Variants in ZNF776 observed in about 807,000 individuals in gnomAD.
ZNF776 encodes the protein zinc finger protein 776.
Under a neutral mutation model 7.0 loss-of-function variants are expected in ZNF776, and 4 were observed. The ratio of observed to expected loss-of-function variants is 0.57; its 90% CI spans 0.28 to 1.31. The LOEUF (loss-of-function observed/expected upper bound fraction) is 1.31, where lower values mean the gene tolerates loss of function less well. Ranked by LOEUF, ZNF776 falls within the 50% of genes most tolerant of loss-of-function variation. The pLI is 0.10. For missense variants in ZNF776, 555 were observed against 625.9 expected (o/e 0.89, Z 1.21); for synonymous variants, 212 against 213.7 (o/e 0.99, Z 0.07).
rs1012703283 is a variant in ZNF776, at chr19:57,757,643, G to A, written c.*2956G>A. ...TCTTTCAAATTAAATTTTTAAAGCTGTAATAAGACTGGGCATGGTGACTCA... is the reference window on the plus strand; with the variant it reads ...TCTTTCAAATTAAATTTTTAAAGCTATAATAAGACTGGGCATGGTGACTCA... On this transcript the variant is annotated 3_prime_UTR_variant, in exon 3 of 3. Coordinates refer to ENST00000317178, the MANE Select transcript of ZNF776 (RefSeq NM_173632.4). The A allele has an allele frequency of 6.6e-6, 1 of 152,200 alleles. No individual in the cohort carries two copies. Among genetic ancestry groups the A allele is most frequent in the Non-Finnish European group, 1.5e-5 (1 of 68,038 alleles). The allele number at this position is 152,200 out of a possible 1,614,324, so 9.4% of individuals were successfully genotyped here. A position where few individuals can be genotyped will look rare whatever the true frequency, so the allele number is the denominator to read the frequency against.
rs1404801160 is a variant in ZNF776, at chr19:57,755,548, A to G, written c.*861A>G. On this transcript the variant is annotated 3_prime_UTR_variant, in exon 3 of 3. Transcript: ENST00000317178. Reference sequence around the variant, plus strand: ...GAGGGCTTCACTCTTCTTTCACTGGATACCAGAATGTTGACAGGAGAAAAA... The same window carrying G: ...GAGGGCTTCACTCTTCTTTCACTGGGTACCAGAATGTTGACAGGAGAAAAA... 5 of 152,202 alleles carry G rather than the reference A, an allele frequency of 3.3e-5. No homozygotes were observed. The highest frequency in any genetic ancestry group is 2.6e-4 in the Admixed American group (4 of 15,278). The allele number at this position is 152,202 out of a possible 1,614,324, so 9.4% of individuals were successfully genotyped here.
chr19:57,746,860 C>T lies in ZNF776; in HGVS notation c.-199C>T. 1 of 467,718 alleles carries T rather than the reference C, an allele frequency of 2.1e-6. No individual in the cohort carries two copies. Among genetic ancestry groups the T allele is most frequent in the South Asian group, 4.5e-5 (1 of 22,114 alleles). The allele number at this position is 467,718 out of a possible 1,614,324, so 29.0% of individuals were successfully genotyped here. On this transcript the variant is annotated 5_prime_UTR_variant, in exon 1 of 3. Transcript: ENST00000317178. Reference sequence around the variant, plus strand: ...TTGGGTGTATTTTCCAGTGAGAGACCGCGGAGTGTTGGGTCGTGTAGAAGT... The same window carrying T: ...TTGGGTGTATTTTCCAGTGAGAGACTGCGGAGTGTTGGGTCGTGTAGAAGT...
Position 57,755,358 on chromosome 19 carries a change from G to GA in ZNF776, c.*675dup, listed in dbSNP as rs1986747558. On this transcript the variant is annotated 3_prime_UTR_variant, in exon 3 of 3. Coordinates refer to ENST00000317178, the MANE Select transcript of ZNF776 (RefSeq NM_173632.4). ...AGCCCTTCTCAGTGAAGTAAATTTG[G>GA]AAAATTGATTAGTCAAACCTCTATG... 1 of 152,292 alleles carries GA rather than the reference G, an allele frequency of 6.6e-6. No homozygotes were observed. Among genetic ancestry groups the GA allele is most frequent in the Admixed American group, 6.5e-5 (1 of 15,286 alleles). 9.4% of individuals were successfully genotyped at this position (152,292 alleles called of 1,614,324 possible).
Position 57,746,857 on chromosome 19 carries a change from G to T in ZNF776, c.-202G>T. The T allele has an allele frequency of 2.1e-6, 1 of 465,310 alleles. No individual in the cohort carries two copies. The highest frequency in any genetic ancestry group is 4.6e-5 in the South Asian group (1 of 21,912). 28.8% of individuals were successfully genotyped at this position (465,310 alleles called of 1,614,324 possible). ...GTGTTGGGTGTATTTTCCAGTGAGA[G>T]ACCGCGGAGTGTTGGGTCGTGTAGA... On this transcript the variant is annotated 5_prime_UTR_variant, in exon 1 of 3. Coordinates refer to ENST00000317178, the MANE Select transcript of ZNF776 (RefSeq NM_173632.4).
chr19:57,751,180 G>A (rs1345946892), intron 2 of ZNF776, among the ~76,000 whole-genome samples: 1 of 152,138 alleles, frequency 6.6e-6, no homozygotes, highest in Admixed American at 6.5e-5. Context: ...CTTGCCCTCT[G>A]GCTGTTGAGT....
At chr19:57,751,061 G>A in intron 2 of ZNF776, 150 bp downstream of exon 2, 1 of 873,980 alleles carries the variant, frequency 1.1e-6, no homozygotes, top group Non-Finnish European at 1.6e-6. Context: ...TGGTATGTAG[G>A]ACTGAGGTGT....
At chr19:57,751,641 C>T (rs900514583) in intron 2 of ZNF776, among the ~76,000 whole-genome samples, 30 of 151,834 alleles carry the variant, frequency 2.0e-4, no homozygotes, top group African/African-American at 7.2e-4. Flanking sequence ...GCTGGGATTA[C>T]AAGCATGAGC....
rs1038848086 is a variant in ZNF776 at position 57,754,927 on chromosome 19, A to G, written c.*240A>G. The G allele has an allele frequency of 3.7e-6, 2 of 536,822 alleles. No homozygotes were observed. The highest frequency in any genetic ancestry group is 3.8e-5 in the African/African-American group (2 of 52,748). 33.3% of individuals were successfully genotyped at this position (536,822 alleles called of 1,614,324 possible). A position where few individuals can be genotyped will look rare whatever the true frequency, so the allele number is the denominator to read the frequency against. On this transcript the variant is annotated 3_prime_UTR_variant, in exon 3 of 3. Transcript: ENST00000317178. ...AAGGGTCACACTGGAGAAAGACCCT[A>G]TAGTTATGGGGAATTTGGGAAATTA...
intron 2 of ZNF776, 79 bp from the exon 3 acceptor site, chr19:57,753,212 C>T: frequency 7.5e-7 from 1 of 1,330,520 alleles, no homozygotes; most frequent in East Asian, 2.3e-5. Flanking sequence ...TACAACAAAG[C>T]AGCTGTTGAT....
In ZNF776 at chr19:57,754,742, C is replaced by G; in HGVS notation, c.*55C>G. On this transcript the variant is annotated 3_prime_UTR_variant, in exon 3 of 3. Transcript: ENST00000317178. ...CACCCTCATTCAACATTCGTGAGATCACACTGGAAAGCACTTATGAGTATG... is the reference window on the plus strand; with the variant it reads ...CACCCTCATTCAACATTCGTGAGATGACACTGGAAAGCACTTATGAGTATG... 1.9e-6 allele frequency: 3 copies of G among 1,551,600 alleles called. No individual in the cohort carries two copies. Among genetic ancestry groups the G allele is most frequent in the Admixed American group, 3.6e-5 (2 of 56,296 alleles).
At position 57,757,033 on chromosome 19, in the gene ZNF776, G is replaced by C. The variant is rs1347649783; in HGVS notation, c.*2346G>C. On this transcript the variant is annotated 3_prime_UTR_variant, in exon 3 of 3. Transcript: ENST00000317178. ...GAATTTTTTATAGAGATAGGGTTTT[G>C]CTATTTTACCCTGACTGATGTTCAA... 1 of 310,392 alleles carries C rather than the reference G, an allele frequency of 3.2e-6. No individual in the cohort carries two copies. The allele number at this position is 310,392 out of a possible 1,614,324, so 19.2% of individuals were successfully genotyped here.
chr19:57,746,883 A>C lies in ZNF776; in HGVS notation c.-176A>C. 2 of 574,928 alleles carry C rather than the reference A, an allele frequency of 3.5e-6. No individual in the cohort carries two copies. Among genetic ancestry groups the C allele is most frequent in the Non-Finnish European group, 6.1e-6 (2 of 327,166 alleles). The allele number at this position is 574,928 out of a possible 1,614,324, so 35.6% of individuals were successfully genotyped here. On this transcript the variant is annotated 5_prime_UTR_variant, in exon 1 of 3. Transcript: ENST00000317178. ...ACCGCGGAGTGTTGGGTCGTGTAGA[A>C]GTGACTGAACCCAGAAGGTGGAGAC...
In ZNF776 at chr19:57,753,341, A is replaced by G. The variant is rs764994384; in HGVS notation, c.211A>G (p.Ile71Val). ...DETPSKQTLSIQQESPLRTHW... is the reference protein window; with the variant it reads ...DETPSKQTLSVQQESPLRTHW... ...GACACCTTCTAAGCAGACCCTTTCT[A>G]TACAACAGGAGTCCCCACTCAGGAC... Residue 71 changes from isoleucine to valine, a missense_variant, in exon 3 of 3, where the codon ATA becomes GTA. By Grantham distance (29) the Ile-to-Val change is conservative. Transcript: ENST00000317178. 1.9e-6 allele frequency: 3 copies of G among 1,614,150 alleles called. No homozygotes were observed. Among genetic ancestry groups the G allele is most frequent in the Admixed American group, 1.7e-5 (1 of 60,018 alleles).
intron 1 of ZNF776, among the ~76,000 whole-genome samples, chr19:57,750,548 C>CT (rs917908916): frequency 3.2e-4 from 48 of 152,264 alleles, no homozygotes; most frequent in African/African-American, 9.9e-4. Context: ...GGGGCATTGG[C>CT]TATCAGGAAG....
In ZNF776 at chr19:57,752,311, A is replaced by G. The variant is rs1223530751; in HGVS notation, c.161-980A>G. Among the ~76,000 whole-genome samples the G allele has an allele frequency of 2.6e-5, 4 of 152,244 alleles. No individual in the cohort carries two copies. In the East Asian group the frequency reaches 7.7e-4, roughly 29 times the overall value. ...GAGCCACTGCACCTGGCCAAAAATTATCTTTGTAGTATTTAGTTTTCTTTC... is the reference window on the plus strand; with the variant it reads ...GAGCCACTGCACCTGGCCAAAAATTGTCTTTGTAGTATTTAGTTTTCTTTC... On this transcript the variant is annotated intron_variant, in intron 2 of 2. Coordinates refer to ENST00000317178, the MANE Select transcript of ZNF776 (RefSeq NM_173632.4).
chr19:57,752,709 T>A (rs898553626), intron 2 of ZNF776, among the ~76,000 whole-genome samples: 1 of 152,228 alleles, frequency 6.6e-6, no homozygotes, highest in African/African-American at 2.4e-5. Flanking sequence ...TCACTTCTCC[T>A]CTGATGCCAG....
rs775305722 is a variant in ZNF776 at position 57,753,438 on chromosome 19, T to A, written c.308T>A (p.Leu103Ter). 6.2e-7 allele frequency: 1 copy of A among 1,614,162 alleles called. No individual in the cohort carries two copies. The highest frequency in any genetic ancestry group is 1.1e-5 in the South Asian group (1 of 91,086). ...TGTGGCCCTCTCCTGGGAGATATCT[T>A]ACACCAGGGAACACAACACAATCAG... ...GMCGPLLGDI[L>*]HQGTQHNQKL... Residue 103 changes from leucine (L) to a stop codon, truncating the protein, a stop_gained, in exon 3 of 3, where the codon TTA becomes TAA. Coordinates refer to ENST00000317178, the MANE Select transcript of ZNF776 (RefSeq NM_173632.4). LOFTEE classifies it low-confidence loss of function (END_TRUNC).
At chr19:57,748,388 C>T (rs1986501154) in intron 1 of ZNF776, among the ~76,000 whole-genome samples, 1 of 152,166 alleles carries the variant, frequency 6.6e-6, no homozygotes, top group Admixed American at 6.5e-5. Context: ...ATCAGGATGA[C>T]TGTTATGGCC....
At chr19:57,752,301 G>A (rs1490890814) in intron 2 of ZNF776, among the ~76,000 whole-genome samples, 1 of 152,182 alleles carries the variant, frequency 6.6e-6, no homozygotes, top group Non-Finnish European at 1.5e-5. Context: ...ACTGCACCTG[G>A]CCAAAAATTA....
Sources: gnomAD v4.1 joint callset for allele counts (sites outside exome capture counted in the v4.1 genomes callset) on GRCh38, gnomAD v4.1.1 for gene constraint, MANE v1.5 for transcripts, NCBI Gene and HGNC (gene_info 2026-07-23, HGNC 2026-07-21) for gene names.